SRP68: variants seen among roughly 807,000 people sequenced by gnomAD.
SRP68 encodes signal recognition particle 68.
A neutral mutation model predicts 82.2 loss-of-function variants in SRP68; 15 were observed. That is an observed-to-expected ratio of 0.18 (90% CI 0.12 to 0.28). The LOEUF is 0.28. SRP68 is among the 10% of genes least tolerant of loss of function. The pLI is 1.00. For missense variants in SRP68, 595 were observed against 780.5 expected (o/e 0.76, Z 2.83); for synonymous variants, 261 against 292.6 (o/e 0.89, Z 1.10).
rs116709707 is a variant in SRP68, at chr17:76,044,416, C to T, written c.1395-458G>A. 7.2e-3 allele frequency among the ~76,000 whole-genome samples: 1,097 copies of T among 152,312 alleles called. 13 individuals are homozygous for T. Among genetic ancestry groups the T allele is most frequent in the African/African-American group, 0.024 (988 of 41,556 alleles). On this transcript the variant is annotated intron_variant, in intron 12 of 15. Coordinates refer to ENST00000307877, the MANE Select transcript of SRP68 (RefSeq NM_014230.4). ...TCCTGGGCTCAGCAGAGCCTGAGCG[C>T]TGCTGGTCCCTGACAGGACAGAAGG...
rs75770227 is a variant in SRP68 at position 76,052,917 on chromosome 17, T to TA, written c.979-2392dup. ...TGTTCTGCACATGTATCCCAGAACT[T>TA]AAAAAAAAAAAAAAAAAGACATGTG... On this transcript the variant is annotated intron_variant, in intron 8 of 15. Coordinates refer to ENST00000307877, the MANE Select transcript of SRP68 (RefSeq NM_014230.4). 3.1e-3 allele frequency among the ~76,000 whole-genome samples: 404 copies of TA among 128,474 alleles called. 1 individual carries two copies. The highest frequency in any genetic ancestry group is 4.4e-3 in the African/African-American group (152 of 34,760). The allele number at this position is 128,474 out of a possible 152,430, so 84.3% of individuals were successfully genotyped here.
intron 10 of SRP68, among the ~76,000 whole-genome samples, chr17:76,047,018 G>T (rs1440146487): frequency 1.3e-5 from 2 of 152,016 alleles, no homozygotes; most frequent in African/African-American, 2.4e-5. Flanking sequence ...TGAGGTGGGA[G>T]GATCACCTGA....
rs1307578920 is a variant in SRP68 at position 76,070,002 on chromosome 17, G to A, written c.251+376C>T. On this transcript the variant is annotated intron_variant, in intron 2 of 15. Transcript: ENST00000307877. ...AGAAGCAGGAGAATCACCTGAACCC[G>A]GGAGGCATGGGCTGCAGTGAGCCAG... Among the ~76,000 whole-genome samples the A allele has an allele frequency of 2.0e-5, 3 of 151,648 alleles. No homozygotes were observed. In the East Asian group the frequency reaches 5.8e-4, roughly 29 times the overall value.
chr17:76,062,498 A>AAT (rs1555629259), intron 4 of SRP68, among the ~76,000 whole-genome samples: 2 of 105,810 alleles, frequency 1.9e-5, no homozygotes, highest in Admixed American at 1.4e-4. Flanking sequence ...ATATATATAT[A>AAT]ATATATATAT....
intron 2 of SRP68, among the ~76,000 whole-genome samples, 169 bp downstream of exon 2, chr17:76,070,209 C>T (rs1266018935): frequency 1.9e-4 from 22 of 115,894 alleles, no homozygotes; most frequent in Non-Finnish European, 3.2e-4. Context: ...GGCGACAGAG[C>T]GAGACTCCAT....
chr17:76,062,742 T>TA (rs1555629427), intron 4 of SRP68, among the ~76,000 whole-genome samples: 1 of 28,208 alleles, frequency 3.5e-5, no homozygotes, highest in Non-Finnish European at 5.7e-5. Flanking sequence ...TATATATATA[T>TA]ATATATATAT....
chr17:76,060,250 A>T (rs2066743217), intron 7 of SRP68, 58 bp downstream of exon 7: 3 of 1,143,136 alleles, frequency 2.6e-6, no homozygotes, highest in African/African-American at 1.6e-5. Flanking sequence ...GGGATTATGA[A>T]TTACTCCTTC....
chr17:76,050,451 G>C lies in SRP68; in HGVS notation c.1054C>G (p.Arg352Gly). 1.9e-6 allele frequency: 3 copies of C among 1,613,768 alleles called. No homozygotes were observed. Among genetic ancestry groups the C allele is most frequent in the Middle Eastern group, 1.7e-4 (1 of 6,056 alleles). The change falls in exon 9 of 16, where the codon CGG (arginine) becomes GGG (glycine). Residue 352 changes from arginine (R) to glycine (G), a missense_variant. Around this residue, in one of 2 missense-constraint regions of SRP68, gnomAD observed 495 missense variants for 688.6 expected, o/e 0.72. Transcript: ENST00000307877. ...ACCTGATCTGGCTTGAGCTCCTCCCGAACCACCTGGATGGCGTCCCGACAC... is the reference window on the plus strand; with the variant it reads ...ACCTGATCTGGCTTGAGCTCCTCCCCAACCACCTGGATGGCGTCCCGACAC... Reference protein sequence around the residue: ...SECRDAIQVVREELKPDQKQR... With the variant: ...SECRDAIQVVGEELKPDQKQR...
intron 2 of SRP68, among the ~76,000 whole-genome samples, chr17:76,069,569 T>G (rs2066833103): frequency 6.7e-6 from 1 of 149,400 alleles, no homozygotes. Flanking sequence ...TAGCCGGGCA[T>G]GGTGGCATGT....
chr17:76,056,454 G>A (rs1444619708), intron 8 of SRP68, among the ~76,000 whole-genome samples: 1 of 152,208 alleles, frequency 6.6e-6, no homozygotes, highest in Non-Finnish European at 1.5e-5. Context: ...TAGCCTTTCA[G>A]TTTAAGCAAA....
intron 3 of SRP68, among the ~76,000 whole-genome samples, chr17:76,064,667 C>T (rs1270634776): frequency 1.3e-5 from 2 of 151,914 alleles, no homozygotes; most frequent in African/African-American, 4.8e-5. Context: ...ATGGTGAAAC[C>T]CCATCTCTAC....
intron 4 of SRP68, among the ~76,000 whole-genome samples, chr17:76,062,608 TTATATAA>T (rs1464807050): frequency 0.02 from 1,301 of 66,222 alleles, 42 homozygotes; most frequent in East Asian, 0.042. Context: ...ACATTATATA[TTATATAA>T]TATATAATAT....
intron 1 of SRP68, among the ~76,000 whole-genome samples, chr17:76,070,698 CG>C (rs1431195367): frequency 1.3e-5 from 2 of 151,934 alleles, no homozygotes; most frequent in African/African-American, 2.4e-5. Flanking sequence ...AAAAATTAGC[CG>C]GGCGCAATGG....
rs779004148 is a variant in SRP68 at position 76,043,946 on chromosome 17, A to G, written c.1407T>C (p.Ile469=). 39 of 1,603,592 alleles carry G rather than the reference A, an allele frequency of 2.4e-5. No homozygotes were observed. Among genetic ancestry groups the G allele is most frequent in the Non-Finnish European group, 3.3e-5 (39 of 1,177,260 alleles). ...TCTTCACCAGCACATAGGACTGAGCAATGAAAAAACACCTGATGGGGAGGG... is the reference window on the plus strand; with the variant it reads ...TCTTCACCAGCACATAGGACTGAGCGATGAAAAAACACCTGATGGGGAGGG... ...LVFKAYRCFF[I]AQSYVLVKKW... The change falls in exon 13 of 16, where the codon ATT becomes ATC. Residue 469 remains isoleucine, a synonymous_variant. Coordinates refer to ENST00000307877, the MANE Select transcript of SRP68 (RefSeq NM_014230.4).
At chr17:76,070,881 A>ACACACACACACACAC (rs1555630333) in intron 1 of SRP68, among the ~76,000 whole-genome samples, 1 of 88,742 alleles carries the variant, frequency 1.1e-5, no homozygotes, top group Non-Finnish European at 2.3e-5. Flanking sequence ...CACACACACA[A>ACACACACACACACAC]ATTTGTGAAA....
intron 4 of SRP68, among the ~76,000 whole-genome samples, chr17:76,062,173 G>C (rs548835508): frequency 1.3e-5 from 2 of 151,812 alleles, no homozygotes; most frequent in African/African-American, 4.8e-5. Flanking sequence ...TGTAATCCCA[G>C]CTACTCGGGA....
chr17:76,067,232 A>G lies in SRP68; in HGVS notation c.350T>C (p.Leu117Pro), dbSNP rs762645949. Residue 117 changes from leucine (L) to proline (P), a missense_variant, in exon 3 of 16, where the codon CTT (leucine) becomes CCT (proline). Leu to Pro is a moderately conservative substitution (Grantham distance 98, BLOSUM62 -3). Around this residue, in one of 2 missense-constraint regions of SRP68, gnomAD observed 495 missense variants for 688.6 expected, o/e 0.72. Transcript: ENST00000307877. ...KFTGKKVTEE[L>P]LTDNRYLLLV... The stretch of plus-strand genomic sequence containing the variant: ...CAGTCAATACCTATTATCGGTCAGA[A>G]GCTCTTCAGTCACTTTCTTCCCTGT... 6.2e-7 allele frequency: 1 copy of G among 1,613,442 alleles called. No individual in the cohort carries two copies. Among genetic ancestry groups the G allele is most frequent in the Non-Finnish European group, 8.5e-7 (1 of 1,179,528 alleles).
At chr17:76,053,490 A>C (rs1287528197) in intron 8 of SRP68, 2 of 985,262 alleles carry the variant, frequency 2.0e-6, no homozygotes, top group Non-Finnish European at 2.4e-6. Flanking sequence ...GGTAGGGTAC[A>C]GTTCAAGTTT....
chr17:76,055,807 CTTTT>C (rs1032113845), intron 8 of SRP68, among the ~76,000 whole-genome samples: 3 of 106,564 alleles, frequency 2.8e-5, no homozygotes, highest in African/African-American at 3.9e-5. Context: ...TTTTTTTCTT[CTTTT>C]TTTTTTTTTT....
Sources: gnomAD v4.1 joint callset for allele counts (sites outside exome capture counted in the v4.1 genomes callset) on GRCh38, gnomAD v4.1.1 for gene constraint, gnomAD v4.1.1 regional missense constraint, MANE v1.5 for transcripts, NCBI Gene and HGNC (gene_info 2026-07-23, HGNC 2026-07-21) for gene names.